Variants in USH2A observed in about 807,000 individuals in gnomAD.
USH2A encodes usherin.
In USH2A, 443 loss-of-function variants were observed where a neutral mutation model predicts 538.9. The observed-to-expected ratio is 0.82, with a 90% confidence interval of 0.76 to 0.89. The LOEUF is 0.89. Ranked by LOEUF, USH2A falls within the 40% of genes least tolerant of loss-of-function variation. The pLI is 0.00. For synonymous variants in USH2A, 2,413 were observed against 2,273.5 expected, an observed-to-expected ratio of 1.06 and a Z score of -1.75; for missense variants, 6,633 against 6,324.8, an observed-to-expected ratio of 1.05 and a Z score of -1.65.
chr1:215,717,410 G>C (rs1426843869), intron 61 of USH2A, among the ~76,000 whole-genome samples: 2 of 152,176 alleles, frequency 1.3e-5, no homozygotes, highest in African/African-American at 2.4e-5. Context: ...TCAATGGTTT[G>C]TGGTTCCATA....
chr1:215,779,745 G>C, intron 55 of USH2A, 98 bp downstream of exon 55: 1 of 1,421,650 alleles, frequency 7.0e-7, no homozygotes, highest in Non-Finnish European at 9.7e-7. Flanking sequence ...CTTTCGAAGT[G>C]ACCTCATATA....
At chr1:216,407,869 A>T (rs2039421635) in intron 3 of USH2A, among the ~76,000 whole-genome samples, 1 of 152,102 alleles carries the variant, frequency 6.6e-6, no homozygotes, top group Admixed American at 6.6e-5. Context: ...ATCAAATCCC[A>T]ACCATTACAA....
intron 38 of USH2A, among the ~76,000 whole-genome samples, chr1:215,915,711 C>T (rs934174791): frequency 2.6e-5 from 4 of 151,928 alleles, no homozygotes; most frequent in Admixed American, 6.6e-5. Flanking sequence ...GACTATAAAT[C>T]ATGCTGCTAT....
chr1:216,194,851 G>A (rs913285791), intron 19 of USH2A, among the ~76,000 whole-genome samples: 3 of 152,074 alleles, frequency 2.0e-5, no homozygotes, highest in South Asian at 2.1e-4. Context: ...TCCCAGAGGC[G>A]GAAAGGGCTC....
chr1:215,791,347 G>T (rs533402169), intron 50 of USH2A, among the ~76,000 whole-genome samples: 30 of 152,270 alleles, frequency 2.0e-4, no homozygotes, highest in Non-Finnish European at 4.1e-4. Context: ...AATTCAAAGT[G>T]CCCTGGGGTC....
intron 20 of USH2A, among the ~76,000 whole-genome samples, chr1:216,186,818 C>T (rs1214482870): frequency 6.6e-6 from 1 of 151,918 alleles, no homozygotes; most frequent in East Asian, 1.9e-4. Context: ...GCAATATTTG[C>T]TATCATTGTC....
chr1:215,782,872 C>T lies in USH2A; in HGVS notation c.10451G>A (p.Arg3484Gln), dbSNP rs771999994. 8.9e-5 allele frequency: 143 copies of T among 1,613,738 alleles called. No individual in the cohort carries two copies. The highest frequency in any genetic ancestry group is 1.1e-4 in the Non-Finnish European group (130 of 1,179,898). The change falls in exon 53 of 72, where the codon CGA becomes CAA. Residue 3484 changes from arginine (R) to glutamine (Q), a missense_variant. Arg to Gln is a conservative substitution (Grantham distance 43). Coordinates refer to ENST00000307340, the MANE Select transcript of USH2A (RefSeq NM_206933.4). ...YRISAWNSYG[R>Q]GLSKAVRART... ...GGCTCTCACAGCTTTGCTGAGTCCT[C>T]GCCCATAGCTGTTCCAGGCAGAAAT...
Position 216,008,579 on chromosome 1 carries a change from G to A in USH2A, c.6326-8017C>T, listed in dbSNP as rs191696779. Reference sequence around the variant, plus strand: ...AATTTGGTGCCGTGACTCGGATCGGGGGACCTCCCTTGGGAGATCAATCCC... The same window carrying A: ...AATTTGGTGCCGTGACTCGGATCGGAGGACCTCCCTTGGGAGATCAATCCC... On this transcript the variant is annotated intron_variant, in intron 32 of 71. Coordinates refer to ENST00000307340, the MANE Select transcript of USH2A (RefSeq NM_206933.4). Among the ~76,000 whole-genome samples, 41 of 152,176 alleles carry A rather than the reference G, an allele frequency of 2.7e-4. No homozygotes were observed. In the East Asian group the frequency reaches 6.6e-3, roughly 25 times the overall value.
intron 49 of USH2A, among the ~76,000 whole-genome samples, chr1:215,800,006 A>C (rs903031673): frequency 6.6e-6 from 1 of 152,060 alleles, no homozygotes; most frequent in Admixed American, 6.6e-5. Context: ...AACAAAAAAA[A>C]CAAAAAACAG....
chr1:215,986,558 G>A (rs942814639), intron 35 of USH2A, among the ~76,000 whole-genome samples: 3 of 152,106 alleles, frequency 2.0e-5, no homozygotes, highest in African/African-American at 7.2e-5. Flanking sequence ...AAGTCTATGT[G>A]CTGTCTTTCA....
intron 61 of USH2A, among the ~76,000 whole-genome samples, chr1:215,707,840 G>A (rs1388216652): frequency 6.6e-6 from 1 of 152,152 alleles, no homozygotes; most frequent in Non-Finnish European, 1.5e-5. Flanking sequence ...AGCACTGAAG[G>A]TGTATACACA....
intron 4 of USH2A, among the ~76,000 whole-genome samples, chr1:216,334,117 A>C (rs1447383182): frequency 6.6e-6 from 1 of 152,076 alleles, no homozygotes; most frequent in African/African-American, 2.4e-5. Flanking sequence ...ATTTGTTTTA[A>C]AAGATGACTT....
chr1:216,188,696 T>A (rs2034656607), intron 20 of USH2A, among the ~76,000 whole-genome samples: 1 of 151,930 alleles, frequency 6.6e-6, no homozygotes. Flanking sequence ...ACACTGAAGG[T>A]ATCAGACATG....
chr1:216,419,540 T>C (rs2039640169), intron 2 of USH2A, among the ~76,000 whole-genome samples: 2 of 152,068 alleles, frequency 1.3e-5, no homozygotes, highest in African/African-American at 4.8e-5. Context: ...GGCACCCTTC[T>C]TCCTGCTCAG....
At chr1:215,864,702 G>A (rs370418979) in intron 44 of USH2A, among the ~76,000 whole-genome samples, 74 of 152,294 alleles carry the variant, frequency 4.9e-4, no homozygotes, top group African/African-American at 1.5e-3. Context: ...GAGGAGGAAG[G>A]AAATATGGCC....
intron 60 of USH2A, among the ~76,000 whole-genome samples, chr1:215,735,108 G>A (rs530389450): frequency 1.8e-4 from 27 of 152,290 alleles, no homozygotes; most frequent in Admixed American, 7.8e-4. Context: ...CAATTTTTCC[G>A]ACATTTGGAA....
chr1:216,382,577 C>T (rs943140947), intron 3 of USH2A, among the ~76,000 whole-genome samples: 2 of 152,124 alleles, frequency 1.3e-5, no homozygotes, highest in Non-Finnish European at 2.9e-5. Context: ...TGAAAGCTCA[C>T]TGATAGCACT....
intron 70 of USH2A, among the ~76,000 whole-genome samples, chr1:215,629,858 C>T (rs945953372): frequency 6.7e-6 from 1 of 148,310 alleles, no homozygotes; most frequent in Non-Finnish European, 1.5e-5. Flanking sequence ...TCACTGCAAG[C>T]TCCGCCTCCC....
At chr1:216,053,195 A>G (rs2030857309) in intron 30 of USH2A, among the ~76,000 whole-genome samples, 1 of 152,208 alleles carries the variant, frequency 6.6e-6, no homozygotes, top group Admixed American at 6.5e-5. Flanking sequence ...CAGACTTACC[A>G]GTTCAAGATA....
Sources: allele counts gnomAD v4.1 joint callset (sites outside exome capture counted in the v4.1 genomes callset), GRCh38; gene constraint gnomAD v4.1.1; transcripts MANE v1.5; gene names NCBI Gene and HGNC (gene_info 2026-07-23, HGNC 2026-07-21).